Variants in LRRC4C observed in about 807,000 individuals in gnomAD.
The protein encoded by LRRC4C is leucine-rich repeat-containing protein 4C.
In LRRC4C, 5 loss-of-function variants were observed where a neutral mutation model predicts 33.6. The ratio of observed to expected loss-of-function variants is 0.15; its 90% CI spans 0.08 to 0.31. The LOEUF (loss-of-function observed/expected upper bound fraction) is 0.31. LRRC4C is among the 10% of genes least tolerant of loss of function. The pLI, the probability that LRRC4C is intolerant of heterozygous loss-of-function variation, is 1.00. For synonymous variants in LRRC4C, 329 were observed against 302.0 expected (o/e 1.09, Z -0.93); for missense variants, 560 against 796.7 (o/e 0.70, Z 3.58).
intron 2 of LRRC4C, among the ~76,000 whole-genome samples, chr11:40,857,640 G>T (rs1591907817): frequency 6.6e-6 from 1 of 152,292 alleles, no homozygotes; most frequent in Middle Eastern, 3.4e-3. Flanking sequence ...AAATGGGCAT[G>T]GTTGTGGTTC....
chr11:41,451,920 C>T (rs970265884), intron 1 of LRRC4C, among the ~76,000 whole-genome samples: 5 of 152,008 alleles, frequency 3.3e-5, no homozygotes, highest in Non-Finnish European at 7.4e-5. Flanking sequence ...ACTGCTGTCA[C>T]TATGCATGGT....
At chr11:41,141,271 G>A (rs1484333493) in intron 1 of LRRC4C, among the ~76,000 whole-genome samples, 3 of 151,798 alleles carry the variant, frequency 2.0e-5, no homozygotes, top group Admixed American at 6.6e-5. Flanking sequence ...AAAATTTCCA[G>A]TGCAGCCAAG....
At chr11:40,881,487 C>G (rs1323285186) in intron 2 of LRRC4C, among the ~76,000 whole-genome samples, 6 of 152,012 alleles carry the variant, frequency 3.9e-5, no homozygotes, top group African/African-American at 7.2e-5. Context: ...ACATGGTCTT[C>G]CCTCCCAAGA....
At chr11:40,689,925 A>G (rs775179159) in intron 2 of LRRC4C, among the ~76,000 whole-genome samples, 3 of 152,130 alleles carry the variant, frequency 2.0e-5, no homozygotes, top group African/African-American at 4.8e-5. Context: ...TTTGGAACTT[A>G]TGTAACAATT....
At chr11:40,239,045 T>C (rs1446023112) in intron 5 of LRRC4C, among the ~76,000 whole-genome samples, 1 of 152,180 alleles carries the variant, frequency 6.6e-6, no homozygotes, top group African/African-American at 2.4e-5. Flanking sequence ...CCTATGTCTC[T>C]GCTTTTGCTC....
intron 1 of LRRC4C, among the ~76,000 whole-genome samples, chr11:41,016,832 G>A (rs1855616742): frequency 6.6e-6 from 1 of 152,102 alleles, no homozygotes; most frequent in Non-Finnish European, 1.5e-5. Context: ...TTTTCTTCCA[G>A]AGGAGACACC....
chr11:41,166,827 T>C (rs1287440526), intron 1 of LRRC4C, among the ~76,000 whole-genome samples: 1 of 152,284 alleles, frequency 6.6e-6, no homozygotes, highest in East Asian at 1.9e-4. Context: ...AACAAACACA[T>C]GTATGATGCT....
At chr11:40,966,856 C>T (rs1851398733) in intron 1 of LRRC4C, among the ~76,000 whole-genome samples, 1 of 151,990 alleles carries the variant, frequency 6.6e-6, no homozygotes, top group Non-Finnish European at 1.5e-5. Context: ...CTCCTAGATA[C>T]CACTTTTATT....
Position 41,237,203 on chromosome 11 carries a change from T to A in LRRC4C, c.-496+222228A>T, listed in dbSNP as rs546704414. On this transcript the variant is annotated intron_variant, in intron 1 of 6. Coordinates refer to ENST00000528697, the MANE Select transcript of LRRC4C (RefSeq NM_001258419.2). ...TAAAAAATAGAGAAAATGATTTTGA[T>A]CTGGATTATTTTGAAAGCAGGTGTT... Among the ~76,000 whole-genome samples the A allele has an allele frequency of 1.6e-4, 24 of 152,262 alleles. No homozygotes were observed. In the South Asian group the frequency reaches 1.7e-3, roughly 11 times the overall value.
chr11:40,908,487 A>C (rs1011046090), intron 2 of LRRC4C, among the ~76,000 whole-genome samples: 1 of 152,180 alleles, frequency 6.6e-6, no homozygotes, highest in Non-Finnish European at 1.5e-5. Flanking sequence ...TAAATACATT[A>C]GAACCAAAAA....
At chr11:40,514,931 C>G (rs1247537534) in intron 3 of LRRC4C, among the ~76,000 whole-genome samples, 2 of 152,152 alleles carry the variant, frequency 1.3e-5, no homozygotes, top group Non-Finnish European at 2.9e-5. Context: ...CCTATCTCAT[C>G]TGTTCCCAGT....
At chr11:40,675,395 T>C (rs1944347530) in intron 2 of LRRC4C, among the ~76,000 whole-genome samples, 1 of 152,222 alleles carries the variant, frequency 6.6e-6, no homozygotes, top group Admixed American at 6.5e-5. Flanking sequence ...GGATCAGCCC[T>C]GGTCACAGGT....
intron 2 of LRRC4C, among the ~76,000 whole-genome samples, chr11:40,884,983 T>C (rs1004308857): frequency 1.3e-5 from 2 of 151,744 alleles, no homozygotes; most frequent in African/African-American, 4.8e-5. Flanking sequence ...TTCAAAAAGG[T>C]GGGGGGTGAG....
chr11:40,387,784 G>C (rs1949169294), intron 3 of LRRC4C, among the ~76,000 whole-genome samples: 1 of 152,120 alleles, frequency 6.6e-6, no homozygotes, highest in Admixed American at 6.5e-5. Flanking sequence ...CTTTGTAAAT[G>C]GTTAAGGTAA....
At chr11:40,909,015 G>A (rs567919298) in intron 2 of LRRC4C, among the ~76,000 whole-genome samples, 18 of 152,106 alleles carry the variant, frequency 1.2e-4, no homozygotes, top group East Asian at 1.9e-4. Flanking sequence ...CTATATGAAC[G>A]GTTAATGCAA....
intron 3 of LRRC4C, among the ~76,000 whole-genome samples, chr11:40,588,779 G>C (rs965953974): frequency 1.4e-4 from 22 of 152,294 alleles, no homozygotes; most frequent in African/African-American, 4.6e-4. Flanking sequence ...CCATGTAGTT[G>C]AGCAGTTTTG....
In LRRC4C at chr11:41,123,256, G is replaced by GT. The variant is rs1456350828; in HGVS notation, c.-495-189534dup. On this transcript the variant is annotated intron_variant, in intron 1 of 6. Coordinates refer to ENST00000528697, the MANE Select transcript of LRRC4C (RefSeq NM_001258419.2). ...AAATGCTTTCTCTATCCTGAGCTAT[G>GT]TTTTGTTTTTTTTTTTTTTTTTTTT... Among the ~76,000 whole-genome samples, 152 of 107,132 alleles carry GT rather than the reference G, an allele frequency of 1.4e-3. 19 individuals carry two copies. Among genetic ancestry groups the GT allele is most frequent in the African/African-American group, 5.6e-3 (142 of 25,338 alleles). 70.3% of individuals were successfully genotyped at this position (107,132 alleles called of 152,430 possible).
intron 3 of LRRC4C, among the ~76,000 whole-genome samples, chr11:40,352,529 A>G (rs1947459359): frequency 6.6e-6 from 1 of 152,044 alleles, no homozygotes; most frequent in South Asian, 2.1e-4. Context: ...TTACATATGT[A>G]TATCTTCTTA....
intron 1 of LRRC4C, among the ~76,000 whole-genome samples, chr11:41,060,884 A>G (rs1937711451): frequency 6.6e-6 from 1 of 151,880 alleles, no homozygotes; most frequent in South Asian, 2.1e-4. Flanking sequence ...CCGTAACTCA[A>G]CCTCTACATC....
Sources: allele counts gnomAD v4.1 joint callset (sites outside exome capture counted in the v4.1 genomes callset), GRCh38; gene constraint gnomAD v4.1.1; transcripts MANE v1.5; gene names NCBI Gene and HGNC (gene_info 2026-07-23, HGNC 2026-07-21).